The following HDAC9 variants were observed in gnomAD, a reference collection of about 807,000 sequenced individuals.
HDAC9 encodes the protein histone deacetylase 9.
HDAC9 carries 41 observed loss-of-function variants against 139.4 expected under a neutral mutation model. The ratio of observed to expected loss-of-function variants is 0.29; its 90% CI spans 0.23 to 0.38. The LOEUF is 0.38. HDAC9 is among the 10% of genes least tolerant of loss of function. The pLI is 1.00. For synonymous variants in HDAC9, 517 were observed against 476.2 expected, an observed-to-expected ratio of 1.09 and a Z score of -1.12; for missense variants, 1,147 against 1,297.0, an observed-to-expected ratio of 0.88 and a Z score of 1.78.
intron 22 of HDAC9, among the ~76,000 whole-genome samples, chr7:18,884,159 A>G (rs1479731509): frequency 6.6e-6 from 1 of 152,162 alleles, no homozygotes; most frequent in Non-Finnish European, 1.5e-5. Context: ...TCTCTGTCAA[A>G]TTCCCAATGA....
At chr7:18,414,603 A>C (rs1788875348) in intron 1 of HDAC9, among the ~76,000 whole-genome samples, 1 of 152,190 alleles carries the variant, frequency 6.6e-6, no homozygotes, top group Non-Finnish European at 1.5e-5. Flanking sequence ...GTGACCTCTG[A>C]GATATAAATT....
intron 1 of HDAC9, among the ~76,000 whole-genome samples, chr7:18,130,449 C>CT (rs1379227562): frequency 6.6e-6 from 1 of 152,136 alleles, no homozygotes; most frequent in East Asian, 1.9e-4. Context: ...GTTGTAGTTG[C>CT]TTTTTTTGGT....
intron 1 of HDAC9, among the ~76,000 whole-genome samples, chr7:18,435,059 CAAAAAAA>C (rs376786180): frequency 1.5e-5 from 1 of 67,810 alleles, no homozygotes; most frequent in East Asian, 4.7e-4. Flanking sequence ...ACTACACAGC[CAAAAAAA>C]AAAAAAAAAA....
intron 22 of HDAC9, among the ~76,000 whole-genome samples, chr7:18,879,192 C>T (rs1445061915): frequency 1.3e-5 from 2 of 152,122 alleles, no homozygotes; most frequent in African/African-American, 4.8e-5. Context: ...ATCCCGTGGT[C>T]ATAGACAGGA....
rs1376669795 is a variant in HDAC9, at chr7:18,149,843, T to C, written c.-96-12386T>C. Among the ~76,000 whole-genome samples the C allele has an allele frequency of 1.1e-4, 16 of 152,240 alleles. No homozygotes were observed. The East Asian group carries it at 1.5e-3, about 15-fold the overall frequency. On this transcript the variant is annotated intron_variant, in intron 1 of 12. Coordinates refer to the HDAC9 transcript ENST00000417496. ...TGCTGGGATTACAGGCATAAGCCAC[T>C]GCGCCCAGCCCAGTTTTTCATTTTT...
At chr7:18,156,765 A>T (rs1421842208) in intron 1 of HDAC9, among the ~76,000 whole-genome samples, 1 of 152,216 alleles carries the variant, frequency 6.6e-6, no homozygotes, top group South Asian at 2.1e-4. Flanking sequence ...GGAAACAGAG[A>T]TGAGAAAGCT....
At chr7:18,542,089 T>G (rs74822687) in intron 2 of HDAC9, among the ~76,000 whole-genome samples, 46 of 152,234 alleles carry the variant, frequency 3.0e-4, no homozygotes, top group African/African-American at 1.1e-3. Flanking sequence ...CACTCTGTGG[T>G]GACAATCAAA....
At chr7:18,254,673 A>G (rs1795120950) in intron 2 of HDAC9, among the ~76,000 whole-genome samples, 1 of 152,204 alleles carries the variant, frequency 6.6e-6, no homozygotes, top group Non-Finnish European at 1.5e-5. Context: ...TTGAGGTAGA[A>G]CATATGTTCT....
intron 24 of HDAC9, 84 bp downstream of exon 24, chr7:18,954,314 T>C: frequency 1.2e-5 from 12 of 969,184 alleles, no homozygotes; most frequent in Non-Finnish European, 1.9e-5. Flanking sequence ...AAAGAAACAT[T>C]TATTTAGAGT....
chr7:18,496,746 G>T, intron 2 of HDAC9: 1 of 158,364 alleles, frequency 6.3e-6, no homozygotes, highest in Non-Finnish European at 1.4e-5. Flanking sequence ...TATTTACTCT[G>T]TGCCTACAGA....
At chr7:18,458,804 G>C in intron 1 of HDAC9, 12 of 1,438,828 alleles carry the variant, frequency 8.3e-6, no homozygotes, top group Middle Eastern at 1.7e-4. Context: ...CCCATGGAGG[G>C]TCCTTCCTTC....
intron 12 of HDAC9, among the ~76,000 whole-genome samples, chr7:18,719,295 C>T (rs1236296235): frequency 6.8e-5 from 10 of 147,046 alleles, no homozygotes; most frequent in African/African-American, 2.3e-4. Context: ...ATTTTTTAAC[C>T]TCAATGAAGC....
chr7:18,759,831 A>G (rs1789221036), intron 14 of HDAC9, among the ~76,000 whole-genome samples: 1 of 152,212 alleles, frequency 6.6e-6, no homozygotes, highest in Non-Finnish European at 1.5e-5. Flanking sequence ...TGGGTGAATA[A>G]GCAAAGGTGT....
chr7:18,921,873 A>G (rs1405914793), intron 22 of HDAC9, among the ~76,000 whole-genome samples: 1 of 152,144 alleles, frequency 6.6e-6, no homozygotes, highest in African/African-American at 2.4e-5. Context: ...TGTGGCACAT[A>G]TGCACTATGG....
intron 1 of HDAC9, among the ~76,000 whole-genome samples, chr7:18,155,105 T>TTTA (rs1787092567): frequency 1.5e-5 from 2 of 137,706 alleles, no homozygotes; most frequent in South Asian, 4.6e-4. Context: ...TTTTTTTTTT[T>TTTA]TAACAACCTC....
chr7:18,366,272 G>A (rs935583937), intron 1 of HDAC9, among the ~76,000 whole-genome samples: 6 of 152,104 alleles, frequency 3.9e-5, no homozygotes, highest in African/African-American at 1.4e-4. Flanking sequence ...TCATGGAAGT[G>A]GAGGTTCTGT....
chr7:18,663,129 A>G (rs922331492), intron 11 of HDAC9, among the ~76,000 whole-genome samples: 5 of 152,080 alleles, frequency 3.3e-5, no homozygotes, highest in Non-Finnish European at 5.9e-5. Context: ...GAATGGTTGG[A>G]GTCAGACTAT....
Position 18,706,645 on chromosome 7 carries a change from C to T in HDAC9, c.1732-20935C>T, listed in dbSNP as rs376980846. Among the ~76,000 whole-genome samples the T allele has an allele frequency of 1.1e-4, 16 of 152,266 alleles. No homozygotes were observed. The East Asian group carries it at 2.9e-3, about 28-fold the overall frequency. ...GACTTTGTCCTGAGAGACATCTAGT[C>T]ATGTCTAGAGACATTTTTAATTATC... On this transcript the variant is annotated intron_variant, in intron 12 of 25. Coordinates refer to ENST00000686413, the MANE Select transcript of HDAC9 (RefSeq NM_178425.4).
At chr7:18,100,500 C>A (rs1001194603) in intron 1 of HDAC9, among the ~76,000 whole-genome samples, 1 of 151,936 alleles carries the variant, frequency 6.6e-6, no homozygotes, top group African/African-American at 2.4e-5. Flanking sequence ...CCATATGTTA[C>A]ATTTTGAGTA....
Sources: gnomAD v4.1 joint callset for allele counts (sites outside exome capture counted in the v4.1 genomes callset) on GRCh38, gnomAD v4.1.1 for gene constraint, MANE v1.5 for transcripts, NCBI Gene and HGNC (gene_info 2026-07-23, HGNC 2026-07-21) for gene names.